FBN3: variants seen among roughly 807,000 people sequenced by gnomAD.
The protein encoded by FBN3 is fibrillin 3.
In FBN3, 234 loss-of-function variants were observed where a neutral mutation model predicts 330.1. The observed-to-expected ratio is 0.71, with a 90% CI of 0.64 to 0.79. The LOEUF (loss-of-function observed/expected upper bound fraction) is 0.79, where lower values mean the gene tolerates loss of function less well. FBN3 is among the 30% of genes least tolerant of loss of function. The pLI is 0.00. For missense variants in FBN3, 3,606 were observed against 3,886.9 expected (o/e 0.93, Z 1.92); for synonymous variants, 1,458 against 1,517.3 (o/e 0.96, Z 0.91).
intron 34 of FBN3, among the ~76,000 whole-genome samples, chr19:8,110,255 C>T (rs895877197): frequency 1.3e-5 from 2 of 152,080 alleles, no homozygotes; most frequent in Non-Finnish European, 1.5e-5. Flanking sequence ...GATGAGGTCT[C>T]GCTATGTTGC....
intron 20 of FBN3, 60 bp from the exon 21 acceptor site, chr19:8,126,407 G>C (rs2082985410): frequency 6.3e-7 from 1 of 1,588,726 alleles, no homozygotes; most frequent in Non-Finnish European, 8.6e-7. Flanking sequence ...GCCCAAGGGG[G>C]GACCCGCCCC....
chr19:8,123,991 A>C lies in FBN3; in HGVS notation c.2749T>G (p.Cys917Gly). Residue 917 changes from cysteine (C) to glycine (G), a missense_variant, in exon 23 of 64, where the codon TGT becomes GGT. By Grantham distance (159) the Cys-to-Gly change is radical. Transcript: ENST00000600128. ...RLCVDVRLEPCFLRWDEDECG... is the reference protein window; with the variant it reads ...RLCVDVRLEPGFLRWDEDECG... The stretch of plus-strand genomic sequence containing the variant: ...TCATCCTCATCCCATCGCAGGAAAC[A>C]TGGTTCCAATCTCACATCTGCACGG... 1 of 1,613,808 alleles carries C rather than the reference A, an allele frequency of 6.2e-7. No individual in the cohort carries two copies. The highest frequency in any genetic ancestry group is 8.5e-7 in the Non-Finnish European group (1 of 1,179,950).
At position 8,096,893 on chromosome 19, in the gene FBN3, C is replaced by T. The variant is rs61735544; in HGVS notation, c.5401G>A (p.Gly1801Arg). 12,588 of 1,613,376 alleles carry T rather than the reference C, an allele frequency of 7.8e-3. 724 individuals carry two copies. In the African/African-American group the frequency reaches 0.14, roughly 17 times the overall value. The change falls in exon 43 of 64, where the codon GGG becomes AGG. Residue 1801 changes from glycine (G) to arginine (R), a missense_variant. Transcript: ENST00000600128. The surrounding 1 kb of genome is among the most constrained non-coding windows in gnomAD (Gnocchi z 4.6). The part of the protein sequence containing the change: ...CTRGYKLSPG[G>R]ACVGRNECRE... ...GGACCCTGCTCACCCACACAAGCCC[C>T]GCCTGGCGACAGTTTGTACCCTCGG...
rs1555728622 is a variant in FBN3 at position 8,086,129 on chromosome 19, T to TGGGGGGGGACAGGCAGTG, written c.6880+53_6880+70dup. The TGGGGGGGGACAGGCAGTG allele has an allele frequency of 3.5e-5, 27 of 776,880 alleles. No homozygotes were observed. The East Asian group carries it at 7.3e-4, about 21-fold the overall frequency. The allele number at this position is 776,880 out of a possible 1,614,324, so 48.1% of individuals were successfully genotyped here. On this transcript the variant is annotated intron_variant, in intron 55 of 63. Coordinates refer to ENST00000600128, the MANE Select transcript of FBN3 (RefSeq NM_032447.5). ...GGCAGGCAGTGGGGGGAACAGGCAG[T>TGGGGGGGGACAGGCAGTG]GGGGGGGGACAGGCAGTGGGTGCCA...
At chr19:8,146,886 C>G (rs2083558767) in intron 3 of FBN3, among the ~76,000 whole-genome samples, 1 of 152,044 alleles carries the variant, frequency 6.6e-6, no homozygotes, top group Admixed American at 6.5e-5. Flanking sequence ...AGCAAGGGAA[C>G]CAGAGAGACA....
In FBN3 at chr19:8,118,880, C is replaced by T; in HGVS notation, c.3337+17G>A. The T allele has an allele frequency of 6.2e-7, 1 of 1,603,184 alleles. No individual in the cohort carries two copies. Among genetic ancestry groups the T allele is most frequent in the East Asian group, 2.2e-5 (1 of 44,510 alleles). On this transcript the variant is annotated intron_variant, in intron 26 of 63. Coordinates refer to ENST00000600128, the MANE Select transcript of FBN3 (RefSeq NM_032447.5). ...ATGGGCTAACACTCACACTTGCACA[C>T]CCAGATGCACACTTACCCTCACAGG... is the stretch of plus-strand genomic sequence containing the variant.
intron 41 of FBN3, among the ~76,000 whole-genome samples, chr19:8,098,491 G>A (rs866100514): frequency 1.5e-4 from 23 of 150,190 alleles, no homozygotes; most frequent in African/African-American, 5.6e-4. Flanking sequence ...CCATCAGTGG[G>A]GGACTGGAAA....
rs573498114 is a variant in FBN3 at position 8,137,945 on chromosome 19, G to A, written c.1201+196C>T. Among the ~76,000 whole-genome samples the A allele has an allele frequency of 7.5e-4, 114 of 152,188 alleles. 1 individual carries two copies. Among genetic ancestry groups the A allele is most frequent in the African/African-American group, 2.6e-3 (110 of 41,512 alleles). ...GTCCAGCCCAAAACCTAACTCTGAG[G>A]ACCAGATTCTCCAGTTACCTCCATC... On this transcript the variant is annotated intron_variant, in intron 10 of 63. Coordinates refer to ENST00000600128, the MANE Select transcript of FBN3 (RefSeq NM_032447.5).
Position 8,073,063 on chromosome 19 carries a change from C to T in FBN3, c.7937G>A (p.Gly2646Glu). ...CPQGYFRAGQ[G>E]HCVSGLGFSP... The stretch of plus-strand genomic sequence containing the variant: ...TGCTTGCCCCACTCCAGCCTCTCAC[C>T]CTTGCCCAGCCCGGAAGTAGCCTTG... Residue 2646 changes from glycine to glutamate, a missense_variant and splice_region_variant, in exon 62 of 64, where the codon GGG becomes GAG. Physicochemically the swap from Gly to Glu is moderately conservative, Grantham distance 98. Coordinates refer to ENST00000600128, the MANE Select transcript of FBN3 (RefSeq NM_032447.5). 1 of 1,602,088 alleles carries T rather than the reference C, an allele frequency of 6.2e-7. No homozygotes were observed. Among genetic ancestry groups the T allele is most frequent in the Admixed American group, 1.7e-5 (1 of 59,066 alleles).
chr19:8,123,308 C>T (rs1024655134), intron 24 of FBN3, among the ~76,000 whole-genome samples, 156 bp downstream of exon 24: 23 of 151,672 alleles, frequency 1.5e-4, no homozygotes, highest in African/African-American at 5.1e-4. Context: ...GAGCCGAGAT[C>T]GTGCCATTGC....
chr19:8,099,701 C>T (rs1197644735), intron 41 of FBN3, among the ~76,000 whole-genome samples: 1 of 151,904 alleles, frequency 6.6e-6, no homozygotes, highest in Non-Finnish European at 1.5e-5. Flanking sequence ...TTAAATTATG[C>T]AATACGTTGT....
chr19:8,076,241 C>T (rs982023584), intron 59 of FBN3, among the ~76,000 whole-genome samples: 12 of 69,220 alleles, frequency 1.7e-4, no homozygotes, highest in South Asian at 7.1e-4. Context: ...ATGGGTTGTC[C>T]GTGTGCGTGT....
chr19:8,143,184 G>A (rs1157517604), intron 6 of FBN3, among the ~76,000 whole-genome samples: 2 of 152,042 alleles, frequency 1.3e-5, no homozygotes, highest in Non-Finnish European at 2.9e-5. Flanking sequence ...GTCTCTGCTG[G>A]CCCTTCCTTC....
intron 29 of FBN3, among the ~76,000 whole-genome samples, chr19:8,116,047 A>T (rs1346509451): frequency 6.6e-6 from 1 of 152,098 alleles, no homozygotes; most frequent in African/African-American, 2.4e-5. Context: ...GCATTTGTTC[A>T]CAAGGCCCAT....
At chr19:8,147,279 C>T (rs56243829) in intron 2 of FBN3, 35 bp downstream of exon 2, 222,691 of 1,573,640 alleles carry the variant, frequency 0.14, 16,060 homozygotes, top group Middle Eastern at 0.21. Flanking sequence ...CAATCCACAC[C>T]GAAGGGGTCT....
intron 14 of FBN3, 109 bp downstream of exon 14, chr19:8,132,875 T>A: frequency 1.6e-6 from 2 of 1,226,536 alleles, no homozygotes; most frequent in African/African-American, 1.5e-5. Flanking sequence ...CTCTTCTCCT[T>A]CTCTCATGCT....
intron 36 of FBN3, 104 bp from the exon 37 acceptor site, chr19:8,108,342 C>G (rs936644344): frequency 1.2e-6 from 1 of 851,948 alleles, no homozygotes; most frequent in East Asian, 2.5e-5. Flanking sequence ...AGAGTGGGCT[C>G]CCATCCTTCT....
intron 13 of FBN3, 26 bp downstream of exon 13, chr19:8,135,935 T>TGGGGGGGGGGGGGGCG: frequency 1.5e-6 from 2 of 1,344,156 alleles, no homozygotes; most frequent in Non-Finnish European, 2.0e-6. Flanking sequence ...CGGAAGCCCC[T>TGGGGGGGGGGGGGGCG]GCCCACCCGC....
At chr19:8,112,384 C>T (rs901741726) in intron 30 of FBN3, among the ~76,000 whole-genome samples, 7 of 152,106 alleles carry the variant, frequency 4.6e-5, no homozygotes, top group African/African-American at 9.7e-5. Context: ...CGGTGGCTCA[C>T]GCCTGTAATC....
Sources: gnomAD v4.1 joint callset for allele counts (sites outside exome capture counted in the v4.1 genomes callset) on GRCh38, gnomAD v4.1.1 for gene constraint, Gnocchi (gnomAD v3.1) non-coding constraint, MANE v1.5 for transcripts, NCBI Gene and HGNC (gene_info 2026-07-23, HGNC 2026-07-21) for gene names.